Variants in SNTG1 observed in about 807,000 individuals in gnomAD.
SNTG1 encodes gamma-1-syntrophin.
Under a neutral mutation model 74.7 loss-of-function variants are expected in SNTG1, and 39 were observed. That is an observed-to-expected ratio of 0.52 (90% CI 0.40 to 0.68). The LOEUF is 0.68. Among genes scored for constraint, SNTG1 ranks in the 30% least tolerant of loss-of-function variants. The probability of loss-of-function intolerance (pLI) is 0.00; values close to 1 mark genes in which losing one functional copy is unlikely to be tolerated. For missense variants in SNTG1, 685 were observed against 609.5 expected, an observed-to-expected ratio of 1.12 and a Z score of -1.30; for synonymous variants, 254 against 217.1, an observed-to-expected ratio of 1.17 and a Z score of -1.49.
chr8:50,291,668 CT>C (rs1394699763), intron 2 of SNTG1, among the ~76,000 whole-genome samples: 1 of 152,046 alleles, frequency 6.6e-6, no homozygotes, highest in Non-Finnish European at 1.5e-5. Context: ...GATAAAATGA[CT>C]GTCTTTAAAA....
chr8:50,295,743 T>A (rs1282458688), intron 2 of SNTG1, among the ~76,000 whole-genome samples: 1 of 152,186 alleles, frequency 6.6e-6, no homozygotes, highest in African/African-American at 2.4e-5. Flanking sequence ...AAATGACAAT[T>A]TAAGGACAAT....
intron 13 of SNTG1, among the ~76,000 whole-genome samples, chr8:50,619,270 G>A (rs1362692357): frequency 6.6e-6 from 1 of 152,118 alleles, no homozygotes; most frequent in East Asian, 1.9e-4. Flanking sequence ...TAATTTTTAT[G>A]ATAGTAATAG....
intron 17 of SNTG1, among the ~76,000 whole-genome samples, chr8:50,743,995 T>G (rs2095549629): frequency 6.6e-6 from 1 of 151,656 alleles, no homozygotes; most frequent in Admixed American, 6.6e-5. Flanking sequence ...TGACACACAT[T>G]TTTCAGACAG....
chr8:50,187,445 G>T (rs949597711), intron 2 of SNTG1, among the ~76,000 whole-genome samples: 1 of 152,108 alleles, frequency 6.6e-6, no homozygotes, highest in Middle Eastern at 3.2e-3. Flanking sequence ...AAATGGTTCT[G>T]GGTAAACTGA....
At chr8:50,564,320 T>C (rs1412981903) in intron 12 of SNTG1, among the ~76,000 whole-genome samples, 1 of 152,094 alleles carries the variant, frequency 6.6e-6, no homozygotes, top group Non-Finnish European at 1.5e-5. Context: ...TTGATGTATA[T>C]TTACTGATTT....
At chr8:50,120,944 G>A (rs1486890029) in intron 1 of SNTG1, among the ~76,000 whole-genome samples, 1 of 141,658 alleles carries the variant, frequency 7.1e-6, no homozygotes, top group African/African-American at 2.6e-5. Context: ...CCATAACTTC[G>A]CATAAACGTA....
intron 4 of SNTG1, among the ~76,000 whole-genome samples, chr8:50,406,453 C>G (rs1234347374): frequency 6.6e-6 from 1 of 151,942 alleles, no homozygotes; most frequent in Non-Finnish European, 1.5e-5. Flanking sequence ...TTATGGTTTT[C>G]TACATATAAG....
intron 2 of SNTG1, among the ~76,000 whole-genome samples, chr8:50,224,865 G>T (rs2085248310): frequency 6.6e-6 from 1 of 152,186 alleles, no homozygotes; most frequent in Admixed American, 6.5e-5. Flanking sequence ...GTTCCTGCAA[G>T]GCTGTCTCTT....
chr8:50,577,458 T>G (rs893177228), intron 12 of SNTG1, among the ~76,000 whole-genome samples: 1 of 151,550 alleles, frequency 6.6e-6, no homozygotes, highest in Non-Finnish European at 1.5e-5. Flanking sequence ...GTTTTTTTTT[T>G]TTGTTTTTTT....
chr8:50,081,373 A>G (rs1381543749), intron 1 of SNTG1, among the ~76,000 whole-genome samples: 1 of 152,076 alleles, frequency 6.6e-6, no homozygotes, highest in African/African-American at 2.4e-5. Flanking sequence ...CAGTAGTTAG[A>G]CTACTATGTG....
intron 2 of SNTG1, among the ~76,000 whole-genome samples, chr8:50,272,114 C>T (rs780623944): frequency 4.6e-5 from 7 of 152,086 alleles, no homozygotes; most frequent in Non-Finnish European, 1.0e-4. Flanking sequence ...TGTTTATCAG[C>T]CACACAGTCT....
At chr8:50,528,808 T>A (rs1181814167) in intron 9 of SNTG1, among the ~76,000 whole-genome samples, 1 of 151,742 alleles carries the variant, frequency 6.6e-6, no homozygotes, top group African/African-American at 2.4e-5. Flanking sequence ...TTTCTAAATT[T>A]TTTTTTTGCT....
chr8:50,778,359 G>C (rs562259893), intron 18 of SNTG1, among the ~76,000 whole-genome samples: 14 of 152,022 alleles, frequency 9.2e-5, no homozygotes, highest in African/African-American at 1.9e-4. Flanking sequence ...TCCTCTCCAG[G>C]ACCTGTTGTT....
At chr8:50,094,408 G>A (rs780436280) in intron 1 of SNTG1, among the ~76,000 whole-genome samples, 1 of 152,056 alleles carries the variant, frequency 6.6e-6, no homozygotes, top group Non-Finnish European at 1.5e-5. Context: ...CTTCAAAATG[G>A]AGGAAAATAC....
rs1197456759 is a variant in SNTG1 at position 50,794,452 on chromosome 8, A to G, written c.*1623A>G. On this transcript the variant is annotated 3_prime_UTR_variant, in exon 19 of 19. Transcript: ENST00000642720. ...AAACTGAATCTAACATACCTTACCC[A>G]AAGAACTGTGGCAAATTACAATAAA... is the stretch of plus-strand genomic sequence containing the variant. 1.3e-5 allele frequency: 2 copies of G among 152,004 alleles called. No individual in the cohort carries two copies. The highest frequency in any genetic ancestry group is 4.8e-5 in the African/African-American group (2 of 41,432). 9.4% of individuals were successfully genotyped at this position (152,004 alleles called of 1,614,324 possible). A position where few individuals can be genotyped will look rare whatever the true frequency, so the allele number is the denominator to read the frequency against.
At chr8:49,965,608 TA>T (rs1310597569) in intron 1 of SNTG1, among the ~76,000 whole-genome samples, 1 of 152,216 alleles carries the variant, frequency 6.6e-6, no homozygotes, top group African/African-American at 2.4e-5. Flanking sequence ...GGGTTGCTTT[TA>T]GCTGCTTAAT....
intron 1 of SNTG1, among the ~76,000 whole-genome samples, chr8:49,927,928 A>C (rs2129351901): frequency 6.6e-6 from 1 of 152,072 alleles, no homozygotes. Flanking sequence ...CAGCCTAGCC[A>C]ACATAGTAAA....
intron 3 of SNTG1, among the ~76,000 whole-genome samples, chr8:50,401,805 T>A (rs542949384): frequency 1.3e-4 from 20 of 152,342 alleles, no homozygotes; most frequent in Non-Finnish European, 2.4e-4. Flanking sequence ...TTGCACACCA[T>A]TGAGTATATT....
intron 2 of SNTG1, among the ~76,000 whole-genome samples, chr8:50,331,263 A>C (rs1050357328): frequency 6.6e-6 from 1 of 152,134 alleles, no homozygotes; most frequent in Non-Finnish European, 1.5e-5. Flanking sequence ...ACAGCAGCAC[A>C]CCTTGTGGGG....
Sources: allele counts gnomAD v4.1 joint callset (sites outside exome capture counted in the v4.1 genomes callset), GRCh38; gene constraint gnomAD v4.1.1; transcripts MANE v1.5; gene names NCBI Gene and HGNC (gene_info 2026-07-23, HGNC 2026-07-21).